The following CNTN6 variants were observed in gnomAD, a reference collection of about 807,000 sequenced individuals.
CNTN6 encodes contactin-6.
CNTN6 carries 137 observed loss-of-function variants against 122.8 expected under a neutral mutation model. The observed-to-expected ratio is 1.12, with a 90% CI of 0.97 to 1.29. The LOEUF (loss-of-function observed/expected upper bound fraction) is 1.29, where lower values mean the gene tolerates loss of function less well. CNTN6 is among the 50% of genes most tolerant of loss of function. The pLI is 0.00. For missense variants in CNTN6, 1,634 were observed against 1,223.4 expected (o/e 1.34, Z -5.01); for synonymous variants, 570 against 426.0 (o/e 1.34, Z -4.16).
At chr3:1,120,997 T>C (rs2091926846) in intron 1 of CNTN6, among the ~76,000 whole-genome samples, 1 of 152,022 alleles carries the variant, frequency 6.6e-6, no homozygotes, top group South Asian at 2.1e-4. Context: ...GAATATTTTC[T>C]ACATTTCTGA....
intron 5 of CNTN6, among the ~76,000 whole-genome samples, 154 bp from the exon 6 acceptor site, chr3:1,295,447 T>A (rs1008679615): frequency 6.6e-6 from 1 of 152,158 alleles, no homozygotes; most frequent in Non-Finnish European, 1.5e-5. Flanking sequence ...AAGGGAATAT[T>A]ACAATTACAC....
At chr3:1,129,842 CT>C (rs2092287953) in intron 1 of CNTN6, among the ~76,000 whole-genome samples, 1 of 149,750 alleles carries the variant, frequency 6.7e-6, no homozygotes, top group South Asian at 2.1e-4. Context: ...TCAAGTCATG[CT>C]TTTGAAAACT....
chr3:1,122,086 T>A (rs1274090526), intron 1 of CNTN6, among the ~76,000 whole-genome samples: 1 of 151,956 alleles, frequency 6.6e-6, no homozygotes, highest in East Asian at 1.9e-4. Context: ...TGAATTATTT[T>A]TTTGCAAATC....
intron 2 of CNTN6, among the ~76,000 whole-genome samples, chr3:1,204,640 C>G (rs540911759): frequency 4.6e-5 from 7 of 152,134 alleles, no homozygotes; most frequent in Non-Finnish European, 8.8e-5. Flanking sequence ...CCCAGTTTAT[C>G]TCAAGCTTGG....
chr3:1,353,659 G>T (rs538458338), intron 12 of CNTN6, among the ~76,000 whole-genome samples: 1 of 151,656 alleles, frequency 6.6e-6, no homozygotes, highest in African/African-American at 2.4e-5. Context: ...CTCAGACACT[G>T]AAAAATGTGA....
chr3:1,242,331 G>A (rs927170825), intron 4 of CNTN6, among the ~76,000 whole-genome samples: 27 of 152,024 alleles, frequency 1.8e-4, no homozygotes, highest in African/African-American at 6.0e-4. Context: ...GGAATGGATT[G>A]AGGACAAAAG....
intron 1 of CNTN6, among the ~76,000 whole-genome samples, chr3:1,142,519 CAG>C (rs1369790091): frequency 6.6e-6 from 1 of 152,120 alleles, no homozygotes; most frequent in Non-Finnish European, 1.5e-5. Flanking sequence ...AATCCTTTAA[CAG>C]AAATCTTCAC....
intron 1 of CNTN6, among the ~76,000 whole-genome samples, chr3:1,144,945 C>T (rs887027421): frequency 2.0e-5 from 3 of 152,110 alleles, no homozygotes; most frequent in Admixed American, 2.0e-4. Context: ...GCTTTGCAGG[C>T]CTCCGGAGGA....
intron 1 of CNTN6, among the ~76,000 whole-genome samples, chr3:1,094,671 A>C (rs563810535): frequency 4.8e-4 from 73 of 152,144 alleles, no homozygotes; most frequent in African/African-American, 1.6e-3. Flanking sequence ...AAAGGATCAC[A>C]TATTTTCTCT....
At chr3:1,381,657 T>C (rs745768464) in intron 17 of CNTN6, among the ~76,000 whole-genome samples, 4 of 152,184 alleles carry the variant, frequency 2.6e-5, no homozygotes, top group Non-Finnish European at 5.9e-5. Flanking sequence ...CCCATTTCCT[T>C]TACTTCCAGT....
chr3:1,128,121 A>G (rs2092227751), intron 1 of CNTN6: 1 of 152,012 alleles, frequency 6.6e-6, no homozygotes, highest in Non-Finnish European at 1.5e-5. Flanking sequence ...TTGTTGAATT[A>G]TAGAGACAGT....
At chr3:1,179,055 A>T (rs970178591) in intron 2 of CNTN6, among the ~76,000 whole-genome samples, 2 of 152,164 alleles carry the variant, frequency 1.3e-5, no homozygotes, top group African/African-American at 4.8e-5. Flanking sequence ...GAGTCTCAGG[A>T]CACTTCCACT....
intron 5 of CNTN6, among the ~76,000 whole-genome samples, chr3:1,278,820 C>G (rs1692876202): frequency 6.6e-6 from 1 of 152,112 alleles, no homozygotes; most frequent in Admixed American, 6.6e-5. Context: ...AACTTCATGA[C>G]AAGGGGACAA....
chr3:1,211,864 T>C (rs2094043095), intron 2 of CNTN6, among the ~76,000 whole-genome samples: 1 of 152,168 alleles, frequency 6.6e-6, no homozygotes, highest in Non-Finnish European at 1.5e-5. Flanking sequence ...TATTCACTTC[T>C]CATCCAGTCA....
At chr3:1,193,272 A>G (rs2125394968) in intron 2 of CNTN6, among the ~76,000 whole-genome samples, 1 of 152,234 alleles carries the variant, frequency 6.6e-6, no homozygotes, top group South Asian at 2.1e-4. Flanking sequence ...CAGCATGCAT[A>G]CAGTAACCTC....
chr3:1,287,060 G>C (rs577674036), intron 5 of CNTN6, among the ~76,000 whole-genome samples: 1 of 152,138 alleles, frequency 6.6e-6, no homozygotes, highest in African/African-American at 2.4e-5. Context: ...GGAGCACCCA[G>C]ATTCATAAAG....
chr3:1,201,978 A>G (rs1021980609), intron 2 of CNTN6, among the ~76,000 whole-genome samples: 6 of 152,080 alleles, frequency 3.9e-5, no homozygotes, highest in Non-Finnish European at 5.9e-5. Flanking sequence ...TTTTTTCTCT[A>G]TTTTTCTGAG....
At chr3:1,156,810 T>C (rs1166265210) in intron 2 of CNTN6, among the ~76,000 whole-genome samples, 2 of 151,984 alleles carry the variant, frequency 1.3e-5, no homozygotes, top group Non-Finnish European at 2.9e-5. Flanking sequence ...CTTGACCTCC[T>C]AGGCTTAAAC....
At chr3:1,380,528 T>C (rs980078371) in intron 17 of CNTN6, among the ~76,000 whole-genome samples, 1 of 152,162 alleles carries the variant, frequency 6.6e-6, no homozygotes, top group Non-Finnish European at 1.5e-5. Context: ...TAAATATTAC[T>C]ATAAAATTAG....
Sources: allele counts gnomAD v4.1 joint callset (sites outside exome capture counted in the v4.1 genomes callset), GRCh38; gene constraint gnomAD v4.1.1; transcripts MANE v1.5; gene names NCBI Gene and HGNC (gene_info 2026-07-23, HGNC 2026-07-21).